PHACTR1: variants seen among roughly 807,000 people sequenced by gnomAD.
The protein encoded by PHACTR1 is phosphatase and actin regulator 1.
PHACTR1 carries 16 observed loss-of-function variants against 69.2 expected under a neutral mutation model. That is an observed-to-expected ratio of 0.23 (90% confidence interval 0.16 to 0.35). PHACTR1 has a LOEUF of 0.35. PHACTR1 is among the 10% of genes least tolerant of loss of function. The pLI, the probability that PHACTR1 is intolerant of heterozygous loss-of-function variation, is 1.00. For missense variants in PHACTR1, 510 were observed against 734.7 expected (o/e 0.69, Z 3.54); for synonymous variants, 312 against 284.5 (o/e 1.10, Z -0.97).
At chr6:13,182,828 G>GT in intron 7 of PHACTR1, 142 bp downstream of exon 7, 1 of 736,648 alleles carries the variant, frequency 1.4e-6, no homozygotes, top group Non-Finnish European at 2.0e-6. Flanking sequence ...AAACAGATTA[G>GT]TTTTTAGTAC....
chr6:13,004,380 G>A (rs1022860664), intron 4 of PHACTR1, among the ~76,000 whole-genome samples: 4 of 152,218 alleles, frequency 2.6e-5, no homozygotes, highest in African/African-American at 9.6e-5. Context: ...GATTAGTGAA[G>A]TTGAGCATTT....
Position 12,875,409 on chromosome 6 carries a change from T to C in PHACTR1, c.250+125619T>C, listed in dbSNP as rs534531566. 6.2e-4 allele frequency among the ~76,000 whole-genome samples: 95 copies of C among 152,298 alleles called. No homozygotes were observed. In the Middle Eastern group the frequency reaches 0.014, roughly 22 times the overall value. ...TTTGCGTTGTGCCCAGTAAGGCCCA[T>C]GCTAGCTCTGAAAAGCAGAATTAGG... On this transcript the variant is annotated intron_variant, in intron 4 of 14. Coordinates refer to ENST00000332995, the MANE Select transcript of PHACTR1 (RefSeq NM_030948.6).
chr6:12,885,109 C>T (rs1004604380), intron 4 of PHACTR1, among the ~76,000 whole-genome samples: 2 of 152,222 alleles, frequency 1.3e-5, no homozygotes, highest in African/African-American at 4.8e-5. Flanking sequence ...GAGGGCACCA[C>T]TGATGCTTGC....
At chr6:13,003,950 CCTATATATATATATGT>C (rs1214609943) in intron 4 of PHACTR1, among the ~76,000 whole-genome samples, 2 of 81,360 alleles carry the variant, frequency 2.5e-5, no homozygotes, top group East Asian at 2.2e-4. Context: ...CAGTAGTATT[CCTATATATATATATGT>C]ATATATATAT....
In PHACTR1 at chr6:12,843,204, A is replaced by G. The variant is rs533485085; in HGVS notation, c.250+93414A>G. Reference sequence around the variant, plus strand: ...AATCACTTTGAGTTGATCTTTGAAGACATGAAAATAAAAGTTATTTCTGTA... The same window carrying G: ...AATCACTTTGAGTTGATCTTTGAAGGCATGAAAATAAAAGTTATTTCTGTA... On this transcript the variant is annotated intron_variant, in intron 4 of 14. Coordinates refer to ENST00000332995, the MANE Select transcript of PHACTR1 (RefSeq NM_030948.6). Among the ~76,000 whole-genome samples the G allele has an allele frequency of 2.6e-5, 4 of 152,372 alleles. No individual in the cohort carries two copies. In the East Asian group the frequency reaches 7.7e-4, roughly 29 times the overall value.
At chr6:13,214,403 A>G (rs1438167709) in intron 8 of PHACTR1, among the ~76,000 whole-genome samples, 1 of 152,222 alleles carries the variant, frequency 6.6e-6, no homozygotes, top group Admixed American at 6.5e-5. Flanking sequence ...TCCAGATACT[A>G]TAATTTTGAT....
chr6:13,252,793 C>T (rs896033569), intron 10 of PHACTR1, among the ~76,000 whole-genome samples: 3 of 151,708 alleles, frequency 2.0e-5, no homozygotes, highest in Non-Finnish European at 4.4e-5. Flanking sequence ...AAAAATGAAG[C>T]TTTATGTTTA....
chr6:12,985,541 A>AAAATATAT (rs1179784179), intron 4 of PHACTR1, among the ~76,000 whole-genome samples: 3 of 132,766 alleles, frequency 2.3e-5, no homozygotes, highest in African/African-American at 8.7e-5. Flanking sequence ...AAAAAAAAAA[A>AAAATATAT]ATATATATAT....
At chr6:12,790,718 A>G (rs771005742) in intron 4 of PHACTR1, among the ~76,000 whole-genome samples, 25 of 152,174 alleles carry the variant, frequency 1.6e-4, no homozygotes, top group Admixed American at 2.6e-4. Context: ...AATCTTAAGG[A>G]AAGTGAAGAA....
intron 4 of PHACTR1, among the ~76,000 whole-genome samples, chr6:12,979,067 A>T (rs1402696925): frequency 6.6e-6 from 1 of 152,170 alleles, no homozygotes. Context: ...TCTTTAGAAG[A>T]AGCTGAAGAA....
rs558079783 is a variant in PHACTR1 at position 13,164,818 on chromosome 6, T to G, written c.496+4534T>G. 2.0e-5 allele frequency among the ~76,000 whole-genome samples: 3 copies of G among 152,330 alleles called. No homozygotes were observed. The South Asian group carries it at 6.2e-4, about 32-fold the overall frequency. On this transcript the variant is annotated intron_variant, in intron 6 of 14. Coordinates refer to ENST00000332995, the MANE Select transcript of PHACTR1 (RefSeq NM_030948.6). ...TCCTTCATGGGTTAAAATCCCAAAC[T>G]GGTCAATGAATTTAATTCAGGCAAA... is the stretch of plus-strand genomic sequence containing the variant.
At chr6:13,094,548 C>T (rs568456400) in intron 5 of PHACTR1, among the ~76,000 whole-genome samples, 12 of 152,144 alleles carry the variant, frequency 7.9e-5, no homozygotes, top group East Asian at 5.8e-4. Flanking sequence ...CTGCCTGCCT[C>T]GGCCTCCCAA....
At chr6:13,178,384 C>T (rs901039323) in intron 6 of PHACTR1, among the ~76,000 whole-genome samples, 1 of 152,238 alleles carries the variant, frequency 6.6e-6, no homozygotes, top group African/African-American at 2.4e-5. Context: ...AATTACACTG[C>T]AGTTTCTCTT....
intron 7 of PHACTR1, among the ~76,000 whole-genome samples, chr6:13,195,782 T>TAAAAAAAAAAAAAAAAAAAAAAA (rs1764318552): frequency 2.5e-5 from 1 of 39,744 alleles, no homozygotes; most frequent in Admixed American, 2.5e-4. Flanking sequence ...AAAAAAAAAG[T>TAAAAAAAAAAAAAAAAAAAAAAA]TCATTTGTGG....
At chr6:13,114,818 G>A (rs944687262) in intron 5 of PHACTR1, among the ~76,000 whole-genome samples, 1 of 152,148 alleles carries the variant, frequency 6.6e-6, no homozygotes, top group Admixed American at 6.5e-5. Context: ...ATAGTGCTGA[G>A]ACTGAAAAGC....
At chr6:13,167,096 G>A (rs971231115) in intron 6 of PHACTR1, among the ~76,000 whole-genome samples, 1 of 152,180 alleles carries the variant, frequency 6.6e-6, no homozygotes, top group African/African-American at 2.4e-5. Flanking sequence ...TGTAACCTAA[G>A]TCACAGCCGG....
At chr6:12,908,469 A>C (rs1329157183) in intron 4 of PHACTR1, among the ~76,000 whole-genome samples, 1 of 152,166 alleles carries the variant, frequency 6.6e-6, no homozygotes, top group Non-Finnish European at 1.5e-5. Context: ...CATACGTGGA[A>C]AGAATAATAA....
chr6:12,923,124 A>G (rs1446306841), intron 4 of PHACTR1, among the ~76,000 whole-genome samples: 3 of 152,220 alleles, frequency 2.0e-5, no homozygotes, highest in African/African-American at 7.2e-5. Flanking sequence ...GCAGCTAGGA[A>G]TAGTTACAGA....
At chr6:12,877,912 CT>C (rs1470735956) in intron 4 of PHACTR1, among the ~76,000 whole-genome samples, 2 of 152,332 alleles carry the variant, frequency 1.3e-5, no homozygotes, top group East Asian at 3.9e-4. Flanking sequence ...CTGGCATCTG[CT>C]GACTCTTCCT....
Sources: allele counts gnomAD v4.1 joint callset (sites outside exome capture counted in the v4.1 genomes callset), GRCh38; gene constraint gnomAD v4.1.1; transcripts MANE v1.5; gene names NCBI Gene and HGNC (gene_info 2026-07-23, HGNC 2026-07-21).